The following COL4A4 variants were observed in gnomAD, a reference collection of about 807,000 sequenced individuals.
The protein encoded by COL4A4 is collagen alpha-4(IV) chain.
A neutral mutation model predicts 192.9 loss-of-function variants in COL4A4; 105 were observed. That is an observed-to-expected ratio of 0.54 (90% CI 0.46 to 0.64). The LOEUF (loss-of-function observed/expected upper bound fraction) is 0.64, where lower values mean the gene tolerates loss of function less well. COL4A4 is among the 30% of genes least tolerant of loss of function. The pLI, the probability that COL4A4 is intolerant of heterozygous loss-of-function variation, is 0.00. For missense variants in COL4A4, 1,967 were observed against 2,169.3 expected, an observed-to-expected ratio of 0.91 and a Z score of 1.85; for synonymous variants, 762 against 769.9, an observed-to-expected ratio of 0.99 and a Z score of 0.17.
intron 4 of COL4A4, among the ~76,000 whole-genome samples, chr2:227,132,556 T>C (rs2062547809): frequency 6.6e-6 from 1 of 152,162 alleles, no homozygotes; most frequent in Non-Finnish European, 1.5e-5. Context: ...TGGGCAGATC[T>C]CTTGAGGCCA....
intron 3 of COL4A4, among the ~76,000 whole-genome samples, chr2:227,142,261 C>A (rs896002128): frequency 2.6e-5 from 4 of 151,992 alleles, no homozygotes; most frequent in Admixed American, 2.0e-4. Context: ...GAGGTCTGCA[C>A]CTCAAAAATA....
chr2:227,100,027 G>A (rs1042576232), intron 17 of COL4A4, among the ~76,000 whole-genome samples: 3 of 152,154 alleles, frequency 2.0e-5, no homozygotes, highest in Non-Finnish European at 4.4e-5. Flanking sequence ...ACTTGGCATC[G>A]ATGACAAATA....
At chr2:226,972,319 A>G in the COL4A4 span, among the ~76,000 whole-genome samples, 6 of 152,110 alleles carry the variant, frequency 3.9e-5, no homozygotes, top group Non-Finnish European at 4.4e-5. Flanking sequence ...TTCTTTATCC[A>G]GTCAATCATT....
chr2:226,989,168 A>C, the COL4A4 span, among the ~76,000 whole-genome samples: 1 of 152,242 alleles, frequency 6.6e-6, no homozygotes, highest in Non-Finnish European at 1.5e-5. Context: ...AAAATCTTTA[A>C]GCCTCAATTC....
intron 43 of COL4A4, among the ~76,000 whole-genome samples, chr2:227,023,355 A>G (rs1459864735): frequency 6.6e-6 from 1 of 151,028 alleles, no homozygotes; most frequent in African/African-American, 2.4e-5. Flanking sequence ...AGGCAGGAGA[A>G]TCCCTGGAAC....
chr2:227,032,304 A>AT, intron 38 of COL4A4, 28 bp from the exon 39 acceptor site: 4 of 1,600,032 alleles, frequency 2.5e-6, no homozygotes, highest in Non-Finnish European at 3.4e-6. Context: ...AATTAATACT[A>AT]TATCTTCTCT....
At chr2:227,109,355 T>A (rs574585081) in intron 9 of COL4A4, 69 bp from the exon 10 acceptor site, 1 of 1,221,338 alleles carries the variant, frequency 8.2e-7, no homozygotes, top group South Asian at 1.2e-5. Context: ...AAGAGTTGCG[T>A]GTGATCCCAT....
At chr2:227,079,675 C>T (rs2059216204) in intron 24 of COL4A4, among the ~76,000 whole-genome samples, 2 of 152,198 alleles carry the variant, frequency 1.3e-5, no homozygotes, top group South Asian at 4.1e-4. Context: ...CAAGTTTTCA[C>T]TCCTATTTTG....
chr2:227,091,491 AG>A (rs1187101600), intron 20 of COL4A4, among the ~76,000 whole-genome samples: 1 of 151,948 alleles, frequency 6.6e-6, no homozygotes, highest in East Asian at 1.9e-4. Context: ...AAGAGAAAAA[AG>A]AGGGGAAAAA....
chr2:227,141,182 C>T (rs1228856672), intron 3 of COL4A4, among the ~76,000 whole-genome samples: 1 of 152,156 alleles, frequency 6.6e-6, no homozygotes, highest in Non-Finnish European at 1.5e-5. Flanking sequence ...GACCCAAGGG[C>T]ATGGATAAGA....
intron 43 of COL4A4, among the ~76,000 whole-genome samples, chr2:227,022,846 T>C (rs1176174065): frequency 6.6e-6 from 1 of 152,186 alleles, no homozygotes; most frequent in Non-Finnish European, 1.5e-5. Context: ...GGTGAGCTTT[T>C]CAAAAGTACT....
At chr2:227,078,812 T>G (rs1361779348) in intron 24 of COL4A4, among the ~76,000 whole-genome samples, 1 of 152,220 alleles carries the variant, frequency 6.6e-6, no homozygotes, top group Non-Finnish European at 1.5e-5. Context: ...TAGCAAGTCC[T>G]TTCTCCTCTT....
At chr2:227,047,618 A>G in intron 34 of COL4A4, 69 bp from the exon 35 acceptor site, 1 of 963,134 alleles carries the variant, frequency 1.0e-6, no homozygotes, top group Admixed American at 1.8e-5. Context: ...GGTGACAGTA[A>G]CGTTTATGGT....
At chr2:227,037,263 G>T (rs895076319) in intron 37 of COL4A4, among the ~76,000 whole-genome samples, 3 of 152,138 alleles carry the variant, frequency 2.0e-5, no homozygotes, top group Non-Finnish European at 4.4e-5. Flanking sequence ...AGGCCCCAGT[G>T]TGTGATATTC....
chr2:227,160,958 C>T (rs1417971829), intron 1 of COL4A4, among the ~76,000 whole-genome samples: 1 of 152,088 alleles, frequency 6.6e-6, no homozygotes, highest in Non-Finnish European at 1.5e-5. Context: ...AAAAGGATGG[C>T]TAAGAGGGGA....
At chr2:226,969,394 C>CTTTTTT in the COL4A4 span, among the ~76,000 whole-genome samples, 31 of 115,538 alleles carry the variant, frequency 2.7e-4, 1 homozygote, top group African/African-American at 7.2e-4. Context: ...ACAGCTCAGC[C>CTTTTTT]TTTTTTTTTT....
the COL4A4 span, among the ~76,000 whole-genome samples, chr2:226,969,394 CTTTT>C: frequency 1.7e-5 from 2 of 115,520 alleles, no homozygotes; most frequent in African/African-American, 6.5e-5. Flanking sequence ...ACAGCTCAGC[CTTTT>C]TTTTTTTTTT....
chr2:226,992,383 G>A, the COL4A4 span, among the ~76,000 whole-genome samples: 3 of 152,256 alleles, frequency 2.0e-5, no homozygotes, highest in South Asian at 6.2e-4. Flanking sequence ...TTTCAGAGTT[G>A]GAAACAAAGC....
At chr2:226,975,506 C>T in the COL4A4 span, among the ~76,000 whole-genome samples, 11 of 152,112 alleles carry the variant, frequency 7.2e-5, no homozygotes, top group African/African-American at 2.2e-4. Flanking sequence ...ATTTCCCCCT[C>T]GGGCCACCCA....
Sources: allele counts gnomAD v4.1 joint callset (sites outside exome capture counted in the v4.1 genomes callset), GRCh38; gene constraint gnomAD v4.1.1; transcripts MANE v1.5; gene names NCBI Gene and HGNC (gene_info 2026-07-23, HGNC 2026-07-21).